Variants in CAPN13 observed in about 807,000 individuals in gnomAD.
CAPN13 encodes calpain-13.
In CAPN13, 90 loss-of-function variants were observed where a neutral mutation model predicts 98.4. The observed-to-expected ratio is 0.92, with a 90% confidence interval of 0.77 to 1.09. CAPN13 has a LOEUF of 1.09. Among genes scored for constraint, CAPN13 ranks in the 50% least tolerant of loss-of-function variants. CAPN13 has a pLI of 0.00. For synonymous variants in CAPN13, 330 were observed against 305.5 expected (o/e 1.08, Z -0.84); for missense variants, 887 against 841.3 (o/e 1.05, Z -0.67).
chr2:30,736,693 G>T, intron 17 of CAPN13, 122 bp from the exon 18 acceptor site: 1 of 852,790 alleles, frequency 1.2e-6, no homozygotes, highest in Non-Finnish European at 1.9e-6. Context: ...TTGTCACCTG[G>T]ATGTGGCCCC....
intron 22 of CAPN13, among the ~76,000 whole-genome samples, chr2:30,725,236 T>C (rs1670816948): frequency 6.6e-6 from 1 of 151,966 alleles, no homozygotes; most frequent in East Asian, 1.9e-4. Context: ...CTTTCAAGTA[T>C]GAACTTTATA....
At chr2:30,804,979 G>A (rs543034838) in intron 1 of CAPN13, among the ~76,000 whole-genome samples, 2 of 152,148 alleles carry the variant, frequency 1.3e-5, no homozygotes, top group African/African-American at 4.8e-5. Context: ...GCCATCTCAG[G>A]TTCTCTTAGC....
intron 11 of CAPN13, among the ~76,000 whole-genome samples, chr2:30,750,046 A>G (rs566012737): frequency 6.6e-6 from 1 of 152,344 alleles, no homozygotes; most frequent in African/African-American, 2.4e-5. Flanking sequence ...TAGCAAAGAC[A>G]TGGAATCAAC....
At chr2:30,776,317 C>T (rs1030310219) in intron 3 of CAPN13, among the ~76,000 whole-genome samples, 4 of 152,184 alleles carry the variant, frequency 2.6e-5, no homozygotes, top group East Asian at 1.9e-4. Flanking sequence ...CTGCAACCTC[C>T]GCCTCCCGGG....
intron 11 of CAPN13, chr2:30,746,497 C>G (rs1279900922): frequency 6.4e-6 from 1 of 155,612 alleles, no homozygotes; most frequent in Non-Finnish European, 1.4e-5. Context: ...CTCCAAGTTG[C>G]ATGGTGAGAA....
At chr2:30,764,016 A>G (rs541069296) in intron 6 of CAPN13, 116 bp downstream of exon 6, 275 of 1,003,380 alleles carry the variant, frequency 2.7e-4, no homozygotes, top group South Asian at 4.9e-4. Flanking sequence ...GCACGCTATC[A>G]GTGTTCGTTA....
At chr2:30,787,875 G>A (rs969650714) in intron 1 of CAPN13, among the ~76,000 whole-genome samples, 3 of 152,132 alleles carry the variant, frequency 2.0e-5, no homozygotes, top group Admixed American at 2.0e-4. Flanking sequence ...TGTTAAAGAG[G>A]TGGGGCATGA....
chr2:30,783,817 G>A (rs1674115212), intron 2 of CAPN13, among the ~76,000 whole-genome samples: 1 of 152,204 alleles, frequency 6.6e-6, no homozygotes, highest in African/African-American at 2.4e-5. Context: ...AAGGGCCACT[G>A]GTCAGACCTC....
chr2:30,754,351 C>T lies in CAPN13; in HGVS notation c.880G>A (p.Glu294Lys). Residue 294 changes from glutamate to lysine, a missense_variant, in exon 9 of 23, where the codon GAG becomes AAG. Transcript: ENST00000295055. ...GRWSDGSQEW[E>K]ETCDPRKSQL... ...CTTTTCCGCGGATCACAGGTTTCCT[C>T]CCACTCCTGAGACCTGAGCATGGAC... 1 of 1,606,192 alleles carries T rather than the reference C, an allele frequency of 6.2e-7. No homozygotes were observed. Among genetic ancestry groups the T allele is most frequent in the Non-Finnish European group, 8.5e-7 (1 of 1,176,994 alleles).
chr2:30,740,816 A>G (rs952195354), intron 15 of CAPN13, among the ~76,000 whole-genome samples: 10 of 152,172 alleles, frequency 6.6e-5, no homozygotes, highest in African/African-American at 2.4e-4. Flanking sequence ...AGAATTTGCC[A>G]CCTGCCACTG....
intron 4 of CAPN13, among the ~76,000 whole-genome samples, chr2:30,773,171 G>A (rs1376911241): frequency 1.3e-5 from 2 of 152,202 alleles, no homozygotes; most frequent in African/African-American, 4.8e-5. Flanking sequence ...TGCATACAAA[G>A]TCAAAGTCCA....
chr2:30,767,459 C>T (rs1255705018), intron 5 of CAPN13, among the ~76,000 whole-genome samples: 1 of 152,182 alleles, frequency 6.6e-6, no homozygotes, highest in African/African-American at 2.4e-5. Flanking sequence ...TCAAAGTCAT[C>T]ATGTCCTTCT....
At chr2:30,764,537 A>G (rs888682034) in intron 5 of CAPN13, among the ~76,000 whole-genome samples, 3 of 152,178 alleles carry the variant, frequency 2.0e-5, no homozygotes, top group Non-Finnish European at 4.4e-5. Flanking sequence ...AGGCCTGCAC[A>G]GTCCCATAAG....
intron 5 of CAPN13, among the ~76,000 whole-genome samples, chr2:30,765,336 C>A (rs1030699454): frequency 1.3e-5 from 2 of 152,186 alleles, no homozygotes; most frequent in Non-Finnish European, 2.9e-5. Flanking sequence ...CAAAGCCACC[C>A]AGCAGGAGCC....
rs544629379 is a variant in CAPN13, at chr2:30,781,615, G to A, written c.199-3976C>T. On this transcript the variant is annotated intron_variant, in intron 2 of 22. Transcript: ENST00000295055. ...GCCTGACTCCTTGAGCTGAGACACT[G>A]GTCTTTTCCTGTCCTTGGACAGGGA... Among the ~76,000 whole-genome samples, 8 of 152,226 alleles carry A rather than the reference G, an allele frequency of 5.3e-5. No individual in the cohort carries two copies. In the South Asian group the frequency reaches 1.7e-3, roughly 32 times the overall value.
chr2:30,798,961 C>T (rs911195010), intron 1 of CAPN13, among the ~76,000 whole-genome samples: 5 of 152,074 alleles, frequency 3.3e-5, no homozygotes, highest in Non-Finnish European at 4.4e-5. Context: ...TTTAACACAT[C>T]GAGAATAATT....
chr2:30,775,260 CA>C (rs1465093790), intron 4 of CAPN13, among the ~76,000 whole-genome samples: 1 of 151,944 alleles, frequency 6.6e-6, no homozygotes, highest in Non-Finnish European at 1.5e-5. Flanking sequence ...ACATGAGCCA[CA>C]AAATCATAAA....
intron 15 of CAPN13, among the ~76,000 whole-genome samples, chr2:30,739,356 G>T (rs2147962829): frequency 6.6e-6 from 1 of 152,158 alleles, no homozygotes; most frequent in South Asian, 2.1e-4. Flanking sequence ...CCTCCTGGGG[G>T]TCTTCTGAGA....
chr2:30,761,858 G>A (rs1369282782), intron 7 of CAPN13, among the ~76,000 whole-genome samples: 1 of 152,176 alleles, frequency 6.6e-6, no homozygotes, highest in Non-Finnish European at 1.5e-5. Context: ...GAGACAGATG[G>A]GTAGAGAGAG....
Sources: gnomAD v4.1 joint callset for allele counts (sites outside exome capture counted in the v4.1 genomes callset) on GRCh38, gnomAD v4.1.1 for gene constraint, MANE v1.5 for transcripts, NCBI Gene and HGNC (gene_info 2026-07-23, HGNC 2026-07-21) for gene names.